Variants in ABL1 observed in about 807,000 individuals in gnomAD.
ABL1 encodes tyrosine-protein kinase ABL1.
A neutral mutation model predicts 94.7 loss-of-function variants in ABL1; 11 were observed. That is an observed-to-expected ratio of 0.12 (90% CI 0.07 to 0.19). ABL1 has a LOEUF of 0.19. Among genes scored for constraint, ABL1 ranks in the 10% least tolerant of loss-of-function variants. The probability of loss-of-function intolerance (pLI) is 1.00; values close to 1 mark genes in which losing one functional copy is unlikely to be tolerated. For synonymous variants in ABL1, 656 were observed against 622.4 expected (o/e 1.05, Z -0.80); for missense variants, 1,082 against 1,489.4 (o/e 0.73, Z 4.50).
rs553549988 is a variant in ABL1 at position 130,763,681 on chromosome 9, T to C, written c.136+49226T>C. Among the ~76,000 whole-genome samples, 74 of 152,334 alleles carry C rather than the reference T, an allele frequency of 4.9e-4. No homozygotes were observed. The South Asian group carries it at 0.012, about 25-fold the overall frequency. ...CACACGGACCTCTCCACATGCTTCT[T>C]GCGTGTCCTCACAACATGTCAGCAG... On this transcript the variant is annotated intron_variant, in intron 1 of 10. Transcript: ENST00000372348.
intron 1 of ABL1, among the ~76,000 whole-genome samples, chr9:130,761,297 G>A (rs572230814): frequency 2.6e-5 from 4 of 152,088 alleles, no homozygotes; most frequent in Admixed American, 2.0e-4. Flanking sequence ...ACCATTCACA[G>A]CCTTTGGCAT....
chr9:130,883,610 C>G (rs934934864), intron 10 of ABL1, among the ~76,000 whole-genome samples: 1 of 152,102 alleles, frequency 6.6e-6, no homozygotes, highest in East Asian at 1.9e-4. Context: ...AGGCAGCAGC[C>G]CCCCACCCAC....
At chr9:130,807,665 ATT>A (rs397894519) in intron 1 of ABL1, among the ~76,000 whole-genome samples, 35 of 93,838 alleles carry the variant, frequency 3.7e-4, no homozygotes, top group Non-Finnish European at 5.3e-4. Flanking sequence ...ACATTCCTTA[ATT>A]TTATATATAT....
rs753573200 is a variant in ABL1 at position 130,862,871 on chromosome 9, C to T, written c.658C>T (p.Arg220Cys). ...ITTLHYPAPK[R>C]NKPTVYGVSP... Reference sequence around the variant, plus strand: ...CACGCTCCATTATCCAGCCCCAAAGCGCAACAAGCCCACTGTCTATGGTGT... The same window carrying T: ...CACGCTCCATTATCCAGCCCCAAAGTGCAACAAGCCCACTGTCTATGGTGT... Residue 220 changes from arginine to cysteine, a missense_variant, in exon 4 of 11, where the codon CGC (arginine) becomes TGC (cysteine). Transcript: ENST00000318560. The surrounding 1 kb of genome is among the most constrained non-coding windows in gnomAD (Gnocchi z 5.5). The T allele has an allele frequency of 3.1e-6, 5 of 1,614,118 alleles. No individual in the cohort carries two copies. Among genetic ancestry groups the T allele is most frequent in the African/African-American group, 1.3e-5 (1 of 75,018 alleles).
intron 1 of ABL1, among the ~76,000 whole-genome samples, chr9:130,718,632 C>T (rs1462531548): frequency 6.6e-6 from 1 of 151,876 alleles, no homozygotes; most frequent in Non-Finnish European, 1.5e-5. Context: ...TGTAATTTCA[C>T]ACTTTGGGAG....
At position 130,878,540 on chromosome 9, in the gene ABL1, G is replaced by C. The variant is rs749303459; in HGVS notation, c.1396G>C (p.Glu466Gln). Residue 466 changes from glutamate (E) to glutamine (Q), a missense_variant, in exon 8 of 11, where the codon GAG becomes CAG. Coordinates refer to ENST00000318560, the MANE Select transcript of ABL1 (RefSeq NM_005157.6). ...CATGGAGCGCCCAGAAGGCTGCCCA[G>C]AGAAGGTCTATGAACTCATGCGAGC... ...YRMERPEGCP[E>Q]KVYELMRACW... 2 of 1,614,218 alleles carry C rather than the reference G, an allele frequency of 1.2e-6. No homozygotes were observed. The highest frequency in any genetic ancestry group is 1.7e-6 in the Non-Finnish European group (2 of 1,180,030).
In ABL1 at chr9:130,728,508, C is replaced by T. The variant is rs181127016; in HGVS notation, c.136+14053C>T. Among the ~76,000 whole-genome samples, 177 of 151,762 alleles carry T rather than the reference C, an allele frequency of 1.2e-3. 2 individuals carry two copies. In the East Asian group the frequency reaches 0.015, roughly 12 times the overall value. ...TCATGCCATTCTCCTGCCTCAGCCT[C>T]CTGAGTAGCTGGGACTACAGGCGCC... On this transcript the variant is annotated intron_variant, in intron 1 of 10. Coordinates refer to the ABL1 transcript ENST00000372348.
chr9:130,816,806 C>A (rs933715525), intron 1 of ABL1, among the ~76,000 whole-genome samples: 1 of 152,184 alleles, frequency 6.6e-6, no homozygotes, highest in Non-Finnish European at 1.5e-5. Flanking sequence ...CGGGTTCAAG[C>A]GATTCTCCTG....
At chr9:130,759,675 C>T (rs761847725) in intron 1 of ABL1, among the ~76,000 whole-genome samples, 5 of 152,118 alleles carry the variant, frequency 3.3e-5, no homozygotes, top group Non-Finnish European at 7.3e-5. Flanking sequence ...TTGCACCAAC[C>T]TCATACTAGC....
At chr9:130,868,278 T>C (rs1012784860) in intron 4 of ABL1, among the ~76,000 whole-genome samples, 1 of 152,100 alleles carries the variant, frequency 6.6e-6, no homozygotes, top group African/African-American at 2.4e-5. Flanking sequence ...TGTATTTAGC[T>C]GTGTTGATCC....
At chr9:130,870,525 T>A (rs969660885) in intron 4 of ABL1, among the ~76,000 whole-genome samples, 1 of 152,178 alleles carries the variant, frequency 6.6e-6, no homozygotes, top group Non-Finnish European at 1.5e-5. Context: ...CAGCATTGAA[T>A]CCCCGGATAC....
At chr9:130,847,867 C>T (rs1045668222) in intron 1 of ABL1, among the ~76,000 whole-genome samples, 6 of 152,160 alleles carry the variant, frequency 3.9e-5, no homozygotes, top group African/African-American at 1.2e-4. Context: ...TCGGGACCAT[C>T]CCACTTTAAC....
chr9:130,810,364 C>T (rs868306820), intron 1 of ABL1, among the ~76,000 whole-genome samples: 4 of 152,034 alleles, frequency 2.6e-5, no homozygotes, highest in East Asian at 3.9e-4. Context: ...GGTGTGGTAG[C>T]GTGCACCTAT....
chr9:130,844,268 G>A (rs1341065697), intron 1 of ABL1, among the ~76,000 whole-genome samples: 2 of 152,176 alleles, frequency 1.3e-5, no homozygotes, highest in African/African-American at 4.8e-5. Context: ...GCGTGGTAGA[G>A]CATGGAAAGG....
chr9:130,717,964 AT>A (rs1356791254), intron 1 of ABL1, among the ~76,000 whole-genome samples: 5 of 148,918 alleles, frequency 3.4e-5, no homozygotes, highest in African/African-American at 1.2e-4. Context: ...TTGAGACGAG[AT>A]CACGCCATTG....
chr9:130,723,229 G>A (rs1449088127), intron 1 of ABL1, among the ~76,000 whole-genome samples: 2 of 152,068 alleles, frequency 1.3e-5, no homozygotes, highest in East Asian at 3.9e-4. Flanking sequence ...TGCCCCTGAT[G>A]TCACTCCCCT....
intron 1 of ABL1, among the ~76,000 whole-genome samples, chr9:130,815,933 G>A (rs541480471): frequency 8.5e-5 from 13 of 152,250 alleles, no homozygotes; most frequent in South Asian, 4.1e-4. Flanking sequence ...CAAGAGAATC[G>A]CCTGAACCCA....
intron 1 of ABL1, among the ~76,000 whole-genome samples, chr9:130,742,180 A>G (rs1354744360): frequency 6.6e-6 from 1 of 151,930 alleles, no homozygotes; most frequent in Non-Finnish European, 1.5e-5. Flanking sequence ...TGTGAGGAGT[A>G]CTGGTACTTT....
intron 1 of ABL1, among the ~76,000 whole-genome samples, chr9:130,794,269 C>T (rs920402128): frequency 6.6e-6 from 1 of 151,938 alleles, no homozygotes; most frequent in Non-Finnish European, 1.5e-5. Flanking sequence ...CAAACTGCAA[C>T]GTTTGTAACT....
Sources: gnomAD v4.1 joint callset for allele counts (sites outside exome capture counted in the v4.1 genomes callset) on GRCh38, gnomAD v4.1.1 for gene constraint, Gnocchi (gnomAD v3.1) non-coding constraint, MANE v1.5 for transcripts, NCBI Gene and HGNC (gene_info 2026-07-23, HGNC 2026-07-21) for gene names.